IL1RAPL2: variants seen among roughly 807,000 people sequenced by gnomAD.
The protein encoded by IL1RAPL2 is X-linked interleukin-1 receptor accessory protein-like 2.
Under a neutral mutation model 44.1 loss-of-function variants are expected in IL1RAPL2, and 3 were observed. The ratio of observed to expected loss-of-function variants is 0.07; its 90% CI spans 0.03 to 0.18. The LOEUF (loss-of-function observed/expected upper bound fraction) is 0.18, where lower values mean the gene tolerates loss of function less well. IL1RAPL2 is among the 10% of genes least tolerant of loss of function. The pLI, the probability that IL1RAPL2 is intolerant of heterozygous loss-of-function variation, is 1.00. For missense variants in IL1RAPL2, 391 were observed against 496.4 expected (o/e 0.79, Z 2.02); for synonymous variants, 181 against 178.8 (o/e 1.01, Z -0.10).
intron 2 of IL1RAPL2, among the ~76,000 whole-genome samples, chrX:105,096,604 A>G (rs1327906381): frequency 8.9e-6 from 1 of 112,288 alleles, no homozygotes; most frequent in Non-Finnish European, 1.9e-5. Flanking sequence ...AGAAAAGGCC[A>G]CATATTGTAT....
intron 5 of IL1RAPL2, among the ~76,000 whole-genome samples, chrX:105,268,603 TAA>T (rs5903263): frequency 0.039 from 3,608 of 92,719 alleles, 186 homozygotes; most frequent in African/African-American, 0.13. Flanking sequence ...CTGTCTCTAC[TAA>T]AAAAAAAAAA....
chrX:105,417,328 CT>C (rs991929525), intron 5 of IL1RAPL2, among the ~76,000 whole-genome samples: 1 of 111,913 alleles, frequency 8.9e-6, no homozygotes, highest in African/African-American at 3.2e-5. Flanking sequence ...CAAAAATTAG[CT>C]GGGTGTGGTG....
At chrX:105,398,491 TG>T (rs756498243) in intron 5 of IL1RAPL2, among the ~76,000 whole-genome samples, 22 of 110,181 alleles carry the variant, frequency 2.0e-4, no homozygotes, top group Admixed American at 1.2e-3. Context: ...TTGATTTTTT[TG>T]TGTGTGTGTG....
chrX:104,674,475 G>C (rs1233344103), intron 2 of IL1RAPL2, among the ~76,000 whole-genome samples: 1 of 111,819 alleles, frequency 8.9e-6, no homozygotes, highest in Non-Finnish European at 1.9e-5. Flanking sequence ...TAAGCTTTTT[G>C]ATGTGCTTCT....
rs2031922249 is a variant in IL1RAPL2, at chrX:105,051,369, C to T, written c.83-144106C>T. 3.5e-5 allele frequency among the ~76,000 whole-genome samples: 4 copies of T among 112,808 alleles called. No individual in the cohort carries two copies. The South Asian group carries it at 1.5e-3, about 41-fold the overall frequency. ...CCTCGGAGGGCAGCCGCAGCTGCAC[C>T]CAGGGAGCTTCTGCTCAGCCAACTC... On this transcript the variant is annotated intron_variant, in intron 2 of 10. Coordinates refer to ENST00000372582, the MANE Select transcript of IL1RAPL2 (RefSeq NM_017416.2).
At chrX:105,571,968 C>T (rs559901113) in intron 6 of IL1RAPL2, among the ~76,000 whole-genome samples, 16 of 111,222 alleles carry the variant, frequency 1.4e-4, no homozygotes, top group South Asian at 3.8e-4. Context: ...AAAAAAAAAG[C>T]CTTCCTTAAT....
chrX:104,997,565 G>A (rs928183045), intron 2 of IL1RAPL2, among the ~76,000 whole-genome samples: 1 of 111,487 alleles, frequency 9.0e-6, no homozygotes, highest in South Asian at 3.8e-4. Flanking sequence ...TGGAAGCATG[G>A]GAATTAATTA....
At chrX:105,627,327 C>G (rs2037460023) in intron 6 of IL1RAPL2, among the ~76,000 whole-genome samples, 1 of 111,214 alleles carries the variant, frequency 9.0e-6, no homozygotes, top group African/African-American at 3.3e-5. Flanking sequence ...AAATATAACT[C>G]TATTACAAGT....
intron 2 of IL1RAPL2, among the ~76,000 whole-genome samples, chrX:104,766,081 C>T (rs1036120859): frequency 8.9e-6 from 1 of 112,152 alleles, no homozygotes; most frequent in East Asian, 2.8e-4. Flanking sequence ...TTGGCACAGT[C>T]AGAGGGATCT....
At chrX:105,281,295 G>A (rs1368189007) in intron 5 of IL1RAPL2, among the ~76,000 whole-genome samples, 2 of 111,345 alleles carry the variant, frequency 1.8e-5, no homozygotes, top group Non-Finnish European at 3.8e-5. Flanking sequence ...CTAGGGGAGG[G>A]ATAGCATTAG....
At chrX:104,832,949 C>T (rs972619308) in intron 2 of IL1RAPL2, among the ~76,000 whole-genome samples, 2 of 111,102 alleles carry the variant, frequency 1.8e-5, no homozygotes, top group Non-Finnish European at 3.8e-5. Flanking sequence ...TAAATTTACA[C>T]TTAGGATATT....
intron 2 of IL1RAPL2, among the ~76,000 whole-genome samples, chrX:104,880,647 T>G (rs1326064927): frequency 8.9e-6 from 1 of 111,903 alleles, no homozygotes; most frequent in African/African-American, 3.2e-5. Context: ...ATTTTGCATA[T>G]AATAAACTAA....
chrX:104,940,979 T>A (rs1240750920), intron 2 of IL1RAPL2, among the ~76,000 whole-genome samples: 1 of 105,359 alleles, frequency 9.5e-6, no homozygotes, highest in African/African-American at 3.5e-5. Context: ...ATGTGGTGTT[T>A]GGTTTTCTGT....
At chrX:104,872,858 G>T (rs1409794963) in intron 2 of IL1RAPL2, among the ~76,000 whole-genome samples, 2 of 111,185 alleles carry the variant, frequency 1.8e-5, no homozygotes, top group African/African-American at 6.5e-5. Context: ...ATCCATGGAA[G>T]ATGAACCCAT....
At chrX:104,569,037 T>C (rs1928095675) in intron 1 of IL1RAPL2, among the ~76,000 whole-genome samples, 1 of 112,167 alleles carries the variant, frequency 8.9e-6, no homozygotes, top group South Asian at 3.7e-4. Flanking sequence ...CATCAAAGGC[T>C]CCTGGCTTGC....
At chrX:104,804,809 CATG>C (rs1210369482) in intron 2 of IL1RAPL2, among the ~76,000 whole-genome samples, 4 of 112,579 alleles carry the variant, frequency 3.6e-5, no homozygotes, top group East Asian at 2.8e-4. Flanking sequence ...CTGTGGGAGA[CATG>C]ATGATCTATT....
chrX:105,144,565 A>T (rs1230757531), intron 2 of IL1RAPL2, among the ~76,000 whole-genome samples: 2 of 111,328 alleles, frequency 1.8e-5, no homozygotes, highest in East Asian at 5.7e-4. Flanking sequence ...TCTGTCTCTG[A>T]CTATCACTCA....
intron 2 of IL1RAPL2, among the ~76,000 whole-genome samples, chrX:104,893,596 A>C (rs778369683): frequency 9.0e-6 from 1 of 111,140 alleles, no homozygotes; most frequent in South Asian, 3.8e-4. Flanking sequence ...TTTATCAGAG[A>C]CTAGGATTGC....
At chrX:104,914,925 A>G (rs1924367202) in intron 2 of IL1RAPL2, among the ~76,000 whole-genome samples, 1 of 111,714 alleles carries the variant, frequency 9.0e-6, no homozygotes, top group African/African-American at 3.3e-5. Context: ...ATAGTATTCC[A>G]TGGTGTATAT....
Sources: allele counts gnomAD v4.1 joint callset (sites outside exome capture counted in the v4.1 genomes callset), GRCh38; gene constraint gnomAD v4.1.1; transcripts MANE v1.5; gene names NCBI Gene and HGNC (gene_info 2026-07-23, HGNC 2026-07-21).